Variants in MOGS observed in about 807,000 individuals in gnomAD.
MOGS encodes epididymis secretory sperm binding protein.
A neutral mutation model predicts 68.5 loss-of-function variants in MOGS; 45 were observed. That is an observed-to-expected ratio of 0.66 (90% CI 0.52 to 0.84). MOGS has a LOEUF of 0.84. Among genes scored for constraint, MOGS ranks in the 40% least tolerant of loss-of-function variants. MOGS has a pLI of 0.00. For synonymous variants in MOGS, 492 were observed against 461.2 expected (o/e 1.07, Z -0.86); for missense variants, 1,020 against 1,095.0 (o/e 0.93, Z 0.97).
chr2:74,462,637 G>A lies in MOGS; in HGVS notation c.1152C>T (p.Ser384=). ...KTFQLKEKGL[S]SGEQVLGQAA... ...CCTGACCCAAAACCTGCTCGCCAGA[G>A]CTCAGGCCCTTCTCCTTCAGCTGGA... The change falls in exon 4 of 4, where the codon AGC becomes AGT. Residue 384 remains serine (S), a synonymous_variant. Coordinates refer to ENST00000448666, the MANE Select transcript of MOGS (RefSeq NM_006302.3). The A allele has an allele frequency of 6.2e-7, 1 of 1,614,240 alleles. No individual in the cohort carries two copies. Among genetic ancestry groups the A allele is most frequent in the South Asian group, 1.1e-5 (1 of 91,088 alleles).
intron 2 of MOGS, among the ~76,000 whole-genome samples, chr2:74,463,960 G>C (rs1042138654): frequency 7.0e-6 from 1 of 142,840 alleles, no homozygotes; most frequent in Admixed American, 7.1e-5. Context: ...ACCGCGCCTG[G>C]CTTTTTTTTT....
intron 1 of MOGS, 33 bp from the exon 2 acceptor site, chr2:74,464,755 C>T (rs371772325): frequency 3.8e-6 from 6 of 1,598,674 alleles, no homozygotes; most frequent in Non-Finnish European, 4.3e-6. Flanking sequence ...AGTCAAAGAG[C>T]AGGGGACCTG....
intron 2 of MOGS, 180 bp downstream of exon 2, chr2:74,464,316 T>C: frequency 1.6e-6 from 1 of 620,694 alleles, no homozygotes; most frequent in East Asian, 2.8e-5. Flanking sequence ...ATCTACATTG[T>C]ACATTTTACA....
Position 74,461,308 on chromosome 2 carries a change from G to C in MOGS, c.2481C>G (p.Ser827Arg), listed in dbSNP as rs1045429587. 3 of 1,613,976 alleles carry C rather than the reference G, an allele frequency of 1.9e-6. No homozygotes were observed. The highest frequency in any genetic ancestry group is 2.5e-6 in the Non-Finnish European group (3 of 1,180,054). Residue 827 changes from serine (S) to arginine (R), a missense_variant, in exon 4 of 4, where the codon AGC becomes AGG. Physicochemically the swap from Ser to Arg is moderately radical, Grantham distance 110. Around this residue, in one of 3 missense-constraint regions of MOGS, gnomAD observed 270 missense variants for 261.3 expected, o/e 1.03. Transcript: ENST00000448666. ...CTTCAGCCATGGCCAGTAAGACAAG[G>C]CTGGTCCAGCCGTGGAAAGGGCGGC... is the stretch of plus-strand genomic sequence containing the variant. ...MGCRPFHGWT[S>R]LVLLAMAEDY
intron 1 of MOGS, 46 bp from the exon 2 acceptor site, chr2:74,464,768 CCTCCGGGT>C: frequency 6.3e-7 from 1 of 1,586,672 alleles, no homozygotes; most frequent in Non-Finnish European, 8.6e-7. Flanking sequence ...GGGACCTGTC[CCTCCGGGT>C]CTCCGGGTCA....
chr2:74,464,967 A>G lies in MOGS; in HGVS notation c.281T>C (p.Leu94Pro). The G allele has an allele frequency of 6.3e-7, 1 of 1,583,266 alleles. No homozygotes were observed. The highest frequency in any genetic ancestry group is 8.6e-7 in the Non-Finnish European group (1 of 1,164,106). Residue 94 changes from leucine (L) to proline (P), a missense_variant, in exon 1 of 4, where the codon CTC becomes CCC. By Grantham distance (98) the Leu-to-Pro change is moderately conservative (BLOSUM62 -3). Transcript: ENST00000448666. ...GTGAGGGCGGTAGGTTCCCCAGAAG[A>G]GGTCCGGGGCCACGGCGGGGCTGGA... ...DSSSPAVAPD[L>P]FWGTYRPHVY...
At chr2:74,464,818 T>A in intron 1 of MOGS, 78 bp downstream of exon 1, 1 of 1,559,592 alleles carries the variant, frequency 6.4e-7, no homozygotes, top group Non-Finnish European at 8.7e-7. Context: ...ATCCATTCCT[T>A]CCCACCCTTG....
In MOGS at chr2:74,461,868, C is replaced by T. The variant is rs776545285; in HGVS notation, c.1921G>A (p.Asp641Asn). 1 of 1,614,102 alleles carries T rather than the reference C, an allele frequency of 6.2e-7. No individual in the cohort carries two copies. Among genetic ancestry groups the T allele is most frequent in the Middle Eastern group, 1.7e-4 (1 of 6,060 alleles). Residue 641 changes from aspartate (D) to asparagine (N), a missense_variant, in exon 4 of 4, where the codon GAT (aspartate) becomes AAT (asparagine). Asp to Asn is a conservative substitution (Grantham distance 23). Transcript: ENST00000448666. ...AGCTCTGGGGCCCAGTGCAGCTCATCCAGGCTCTCTGCTGCCTCCAGTGAG... is the reference window on the plus strand; with the variant it reads ...AGCTCTGGGGCCCAGTGCAGCTCATTCAGGCTCTCTGCTGCCTCCAGTGAG... ...AASLEAAESLDELHWAPELGV... is the reference protein window; with the variant it reads ...AASLEAAESLNELHWAPELGV...
chr2:74,461,081 T>C lies in MOGS; in HGVS notation c.*194A>G. The C allele has an allele frequency of 1.4e-6, 1 of 715,186 alleles. No individual in the cohort carries two copies. Among genetic ancestry groups the C allele is most frequent in the Non-Finnish European group, 2.3e-6 (1 of 435,372 alleles). 44.3% of individuals were successfully genotyped at this position (715,186 alleles called of 1,614,324 possible). A position where few individuals can be genotyped will look rare whatever the true frequency, so the allele number is the denominator to read the frequency against. ...ATAGAGTTCAAAATGTTTTTTCCAATTTATTTAGAAAAATAGACTCTGGAT... is the reference window on the plus strand; with the variant it reads ...ATAGAGTTCAAAATGTTTTTTCCAACTTATTTAGAAAAATAGACTCTGGAT... On this transcript the variant is annotated 3_prime_UTR_variant, in exon 4 of 4. Coordinates refer to ENST00000448666, the MANE Select transcript of MOGS (RefSeq NM_006302.3).
In MOGS at chr2:74,462,145, G is replaced by A. The variant is rs766892735; in HGVS notation, c.1644C>T (p.Leu548=). 1 of 1,614,068 alleles carries A rather than the reference G, an allele frequency of 6.2e-7. No homozygotes were observed. The highest frequency in any genetic ancestry group is 8.5e-7 in the Non-Finnish European group (1 of 1,179,926). ...GCAGTGGGCCTGCCTGGCTCTGATG[G>A]AGCCAGGAAAACCAGGCATGCAGGC... The part of the protein sequence containing the change: ...LPRLHAWFSW[L]HQSQAGPLPL... Residue 548 remains leucine, a synonymous_variant, in exon 4 of 4, where the codon CTC becomes CTT. Transcript: ENST00000448666.
At position 74,465,346 on chromosome 2, in the gene MOGS, A is replaced by G. The variant is rs1303835027; in HGVS notation, c.-99T>C. 3 of 699,732 alleles carry G rather than the reference A, an allele frequency of 4.3e-6. No homozygotes were observed. The highest frequency in any genetic ancestry group is 6.2e-6 in the Non-Finnish European group (3 of 483,142). The allele number at this position is 699,732 out of a possible 1,614,324, so 43.3% of individuals were successfully genotyped here. On this transcript the variant is annotated 5_prime_UTR_variant, in exon 1 of 4. Coordinates refer to ENST00000448666, the MANE Select transcript of MOGS (RefSeq NM_006302.3). ...GCTCCCGCCTCTCGCCCTGGCGACC[A>G]CCGTCCGGTTAGCGACACCTGCCAG...
rs1203216079 is a variant in MOGS, at chr2:74,462,473, G to A, written c.1316C>T (p.Pro439Leu). 6.2e-6 allele frequency: 10 copies of A among 1,610,780 alleles called. No homozygotes were observed. The highest frequency in any genetic ancestry group is 8.5e-6 in the Non-Finnish European group (10 of 1,177,870). The change falls in exon 4 of 4, where the codon CCC becomes CTC. Residue 439 changes from proline to leucine, a missense_variant. Transcript: ENST00000448666. ...GCCTCGTGGGAAGAATGACCGGGAG[G>A]GCACTGCTGTAAAAAGAGGTACGGG... is the stretch of plus-strand genomic sequence containing the variant. ...FPPVPLFTAVPSRSFFPRGFL... is the reference protein window; with the variant it reads ...FPPVPLFTAVLSRSFFPRGFL...
Position 74,461,542 on chromosome 2 carries a change from G to A in MOGS, c.2247C>T (p.Tyr749=), listed in dbSNP as rs374800156. ...GQRNSEHDPP[Y]WRGAVWLNVN... is the part of the protein sequence containing the mutation. ...CATTGAGCCACACAGCACCCCGCCA[G>A]TAGGGGGGATCATGCTCTGAATTGC... is the stretch of plus-strand genomic sequence containing the variant. The change falls in exon 4 of 4, where the codon TAC becomes TAT. Residue 749 remains tyrosine (Y), a synonymous_variant. Coordinates refer to ENST00000448666, the MANE Select transcript of MOGS (RefSeq NM_006302.3). 6 of 1,613,918 alleles carry A rather than the reference G, an allele frequency of 3.7e-6. No homozygotes were observed. The highest frequency in any genetic ancestry group is 5.1e-6 in the Non-Finnish European group (6 of 1,179,944).
In MOGS at chr2:74,462,213, C is replaced by CA. The variant is rs1671932451; in HGVS notation, c.1575dup (p.Gly526TrpfsTer2). The CA allele has an allele frequency of 6.2e-7, 1 of 1,614,024 alleles. No individual in the cohort carries two copies. On this transcript the variant is annotated frameshift_variant, in exon 4 of 4. Coordinates refer to ENST00000448666, the MANE Select transcript of MOGS (RefSeq NM_006302.3). LOFTEE classifies it high-confidence loss of function. The stretch of plus-strand genomic sequence containing the variant: ...AGGAAAGCCAAGTCGTCAGGGTCAC[C>CA]AACCTCTAGCATATGGGCTACAGGC...
chr2:74,464,655 C>T lies in MOGS; in HGVS notation c.420G>A (p.Gly140=), dbSNP rs921306296. ...CCCAGCCATAGGGACCCACACCGTCCCCCTGCTCACACGTGTGCCTGAGCT... is the reference window on the plus strand; with the variant it reads ...CCCAGCCATAGGGACCCACACCGTCTCCCTGCTCACACGTGTGCCTGAGCT... ...TPKLRHTCEQ[G]DGVGPYGWEF... is the part of the protein sequence containing the mutation. Residue 140 remains glycine (G), a synonymous_variant, in exon 2 of 4, where the codon GGG becomes GGA. Transcript: ENST00000448666. 1.9e-6 allele frequency: 3 copies of T among 1,614,002 alleles called. No individual in the cohort carries two copies. In the Admixed American group the frequency reaches 5.0e-5, roughly 27 times the overall value.
chr2:74,463,676 T>TTG, intron 2 of MOGS: 1 of 337,384 alleles, frequency 3.0e-6, no homozygotes, highest in Non-Finnish European at 5.5e-6. Flanking sequence ...TTTTTTTTTT[T>TTG]TTTTTGAGGC....
rs202102671 is a variant in MOGS at position 74,462,659 on chromosome 2, T to C, written c.1130A>G (p.Gln377Arg). ...GFRERFEKTF[Q>R]LKEKGLSSGE... Reference sequence around the variant, plus strand: ...AGAGCTCAGGCCCTTCTCCTTCAGCTGGAAGGTCTTCTCAAAGCGCTCTCT... The same window carrying C: ...AGAGCTCAGGCCCTTCTCCTTCAGCCGGAAGGTCTTCTCAAAGCGCTCTCT... Residue 377 changes from glutamine (Q) to arginine (R), a missense_variant, in exon 4 of 4, where the codon CAG (glutamine) becomes CGG (arginine). This residue lies in a region of MOGS where 569 missense variants were observed against 571.9 expected (regional missense o/e 0.99). Coordinates refer to ENST00000448666, the MANE Select transcript of MOGS (RefSeq NM_006302.3). 1.4e-4 allele frequency: 224 copies of C among 1,614,264 alleles called. No individual in the cohort carries two copies. The highest frequency in any genetic ancestry group is 1.4e-4 in the Non-Finnish European group (162 of 1,180,044).
chr2:74,461,504 G>A lies in MOGS; in HGVS notation c.2285C>T (p.Ala762Val). Reference sequence around the variant, plus strand: ...CCCATAGTGGTGGAGTGCTCCCAAAGCCAGGTAGTTGACATTGAGCCACAC... The same window carrying A: ...CCCATAGTGGTGGAGTGCTCCCAAAACCAGGTAGTTGACATTGAGCCACAC... ...GAVWLNVNYL[A>V]LGALHHYGHL... Residue 762 changes from alanine (A) to valine (V), a missense_variant, in exon 4 of 4, where the codon GCT (alanine) becomes GTT (valine). Transcript: ENST00000448666. The A allele has an allele frequency of 6.2e-7, 1 of 1,614,020 alleles. No homozygotes were observed. The highest frequency in any genetic ancestry group is 1.1e-5 in the South Asian group (1 of 91,086).
Position 74,461,367 on chromosome 2 carries a change from G to A in MOGS, c.2422C>T (p.Gln808Ter), listed in dbSNP as rs995479690. 2 of 1,614,124 alleles carry A rather than the reference G, an allele frequency of 1.2e-6. No individual in the cohort carries two copies. The highest frequency in any genetic ancestry group is 2.2e-5 in the East Asian group (1 of 44,876). The change falls in exon 4 of 4, where the codon CAG becomes TAG. Residue 808 changes from glutamine (Q) to a stop codon, truncating the protein, a stop_gained. Transcript: ENST00000448666. LOFTEE classifies it high-confidence loss of function. ...CCTCGCCCATCGCGGTCACTGTACT[G>A]CTCCCAAAGAAAGCCTGTAGCCTGG... ...QYQATGFLWE[Q>*]YSDRDGRGMG...
Sources: gnomAD v4.1 joint callset for allele counts (sites outside exome capture counted in the v4.1 genomes callset) on GRCh38, gnomAD v4.1.1 for gene constraint, gnomAD v4.1.1 regional missense constraint, MANE v1.5 for transcripts, NCBI Gene and HGNC (gene_info 2026-07-23, HGNC 2026-07-21) for gene names.